The following SUGCT variants were observed in gnomAD, a reference collection of about 807,000 sequenced individuals.
The protein encoded by SUGCT is succinyl-CoA:glutarate CoA-transferase.
SUGCT carries 41 observed loss-of-function variants against 55.0 expected under a neutral mutation model. That is an observed-to-expected ratio of 0.74 (90% CI 0.58 to 0.97). The LOEUF (loss-of-function observed/expected upper bound fraction) is 0.97, where lower values mean the gene tolerates loss of function less well. SUGCT is among the 50% of genes least tolerant of loss of function. The pLI is 0.00. For synonymous variants in SUGCT, 187 were observed against 200.4 expected (o/e 0.93, Z 0.56); for missense variants, 568 against 547.8 (o/e 1.04, Z -0.37).
intron 12 of SUGCT, among the ~76,000 whole-genome samples, chr7:40,709,655 C>G (rs548705259): frequency 6.6e-6 from 1 of 152,306 alleles, no homozygotes; most frequent in Non-Finnish European, 1.5e-5. Flanking sequence ...CTGTATTCCT[C>G]CAAGCAGCCA....
chr7:40,966,003 C>T, the SUGCT span: 3 of 152,204 alleles, frequency 2.0e-5, no homozygotes, highest in African/African-American at 4.8e-5. Flanking sequence ...TCTGCCTCAC[C>T]ACTCTTTTAC....
chr7:40,808,939 G>C lies in SUGCT; in HGVS notation c.1154-51377G>C, dbSNP rs372557956. Among the ~76,000 whole-genome samples, 59 of 152,290 alleles carry C rather than the reference G, an allele frequency of 3.9e-4. No individual in the cohort carries two copies. In the South Asian group the frequency reaches 5.2e-3, roughly 13 times the overall value. Reference sequence around the variant, plus strand: ...AAATACCCCCAGACAATTCATGCCTGTTCCTGACTCTGTACCTAACGAACT... The same window carrying C: ...AAATACCCCCAGACAATTCATGCCTCTTCCTGACTCTGTACCTAACGAACT... On this transcript the variant is annotated intron_variant, in intron 13 of 13. Transcript: ENST00000335693.
At chr7:40,766,197 C>A (rs1273179315) in intron 13 of SUGCT, among the ~76,000 whole-genome samples, 3 of 152,080 alleles carry the variant, frequency 2.0e-5, no homozygotes, top group African/African-American at 4.8e-5. Context: ...TAACTAAATT[C>A]AACCTTAAAT....
At chr7:40,937,642 A>C in the SUGCT span, among the ~76,000 whole-genome samples, 2 of 152,102 alleles carry the variant, frequency 1.3e-5, no homozygotes, top group Non-Finnish European at 2.9e-5. Context: ...ATCATTATAA[A>C]ATTTTGCTAT....
At chr7:40,871,550 T>C in the SUGCT span, among the ~76,000 whole-genome samples, 7 of 152,328 alleles carry the variant, frequency 4.6e-5, no homozygotes, top group East Asian at 7.7e-4. Flanking sequence ...TACATTGATA[T>C]TGTTTTAATC....
chr7:40,652,260 G>C (rs1800813315), intron 12 of SUGCT, among the ~76,000 whole-genome samples: 1 of 152,114 alleles, frequency 6.6e-6, no homozygotes, highest in African/African-American at 2.4e-5. Flanking sequence ...TACTTTCTTA[G>C]TTTTGCATGT....
intron 12 of SUGCT, among the ~76,000 whole-genome samples, chr7:40,662,413 A>G (rs1439240826): frequency 2.0e-5 from 3 of 152,184 alleles, no homozygotes; most frequent in East Asian, 1.9e-4. Flanking sequence ...TCTGCTTAGA[A>G]TCATCCAATC....
chr7:40,821,041 G>T (rs62449407), intron 13 of SUGCT, among the ~76,000 whole-genome samples: 25,363 of 151,966 alleles, frequency 0.17, 2,575 homozygotes, highest in East Asian at 0.42. Flanking sequence ...TTTGTCTTTG[G>T]TTCTGTTTAT....
chr7:40,596,125 T>C (rs769545890), intron 12 of SUGCT, among the ~76,000 whole-genome samples: 77 of 152,206 alleles, frequency 5.1e-4, no homozygotes, highest in Non-Finnish European at 6.6e-4. Flanking sequence ...GGAGGACTTA[T>C]GAGCTGTGTG....
intron 8 of SUGCT, among the ~76,000 whole-genome samples, chr7:40,289,537 C>A (rs1793591012): frequency 6.6e-6 from 1 of 152,122 alleles, no homozygotes; most frequent in Non-Finnish European, 1.5e-5. Flanking sequence ...GACAAACCCA[C>A]AGCCAATATC....
At chr7:40,923,711 A>G in the SUGCT span, among the ~76,000 whole-genome samples, 1 of 152,144 alleles carries the variant, frequency 6.6e-6, no homozygotes, top group African/African-American at 2.4e-5. Flanking sequence ...TGGCAAAAAT[A>G]TGGTATTTGG....
At chr7:40,272,187 TATATATAC>T (rs1792103463) in intron 7 of SUGCT, among the ~76,000 whole-genome samples, 2 of 62,010 alleles carry the variant, frequency 3.2e-5, no homozygotes, top group African/African-American at 6.0e-5. Context: ...TATATATATA[TATATATAC>T]AGGGTCTCAG....
In SUGCT at chr7:40,141,140, G is replaced by C. The variant is rs1037718461; in HGVS notation, c.100+6020G>C. Among the ~76,000 whole-genome samples, 3 of 151,154 alleles carry C rather than the reference G, an allele frequency of 2.0e-5. No individual in the cohort carries two copies. The South Asian group carries it at 6.2e-4, about 31-fold the overall frequency. On this transcript the variant is annotated intron_variant, in intron 1 of 13. Transcript: ENST00000335693. ...GGACTGCCTTCTTGGTTTCGTCCTC[G>C]GGTAGAACATTATTGGTGAACAGAA... is the stretch of plus-strand genomic sequence containing the variant.
chr7:40,651,168 G>A (rs1041011734), intron 12 of SUGCT, among the ~76,000 whole-genome samples: 3 of 152,100 alleles, frequency 2.0e-5, no homozygotes, highest in Non-Finnish European at 4.4e-5. Flanking sequence ...TGTGAATAGT[G>A]CTGCAATGAA....
intron 1 of SUGCT, among the ~76,000 whole-genome samples, chr7:40,173,864 A>C: frequency 6.7e-6 from 1 of 148,896 alleles, no homozygotes; most frequent in East Asian, 1.9e-4. Flanking sequence ...TATATAATGT[A>C]TTATATATAG....
the SUGCT span, among the ~76,000 whole-genome samples, chr7:41,030,647 C>A: frequency 6.6e-6 from 1 of 152,108 alleles, no homozygotes; most frequent in Non-Finnish European, 1.5e-5. Flanking sequence ...CTAAGGATTT[C>A]CCACACCACC....
At chr7:40,684,842 T>C (rs533829661) in intron 12 of SUGCT, among the ~76,000 whole-genome samples, 1 of 152,244 alleles carries the variant, frequency 6.6e-6, no homozygotes, top group African/African-American at 2.4e-5. Flanking sequence ...TGGTTGTTTT[T>C]GTTGTTGAGA....
chr7:40,730,312 G>T (rs1786827972), intron 12 of SUGCT, among the ~76,000 whole-genome samples: 1 of 152,116 alleles, frequency 6.6e-6, no homozygotes, highest in African/African-American at 2.4e-5. Flanking sequence ...TCACCATGTT[G>T]ACCAGACTGG....
chr7:40,991,412 A>T, the SUGCT span, among the ~76,000 whole-genome samples: 11 of 152,356 alleles, frequency 7.2e-5, no homozygotes, highest in Admixed American at 5.9e-4. Context: ...AAAAATTGGA[A>T]ATATTTTGAG....
Sources: gnomAD v4.1 joint callset for allele counts (sites outside exome capture counted in the v4.1 genomes callset) on GRCh38, gnomAD v4.1.1 for gene constraint, MANE v1.5 for transcripts, NCBI Gene and HGNC (gene_info 2026-07-23, HGNC 2026-07-21) for gene names.